ATP1A3: variants seen among roughly 807,000 people sequenced by gnomAD.
ATP1A3 encodes the protein sodium/potassium-transporting ATPase subunit alpha-3.
A neutral mutation model predicts 108.8 loss-of-function variants in ATP1A3; 12 were observed. The ratio of observed to expected loss-of-function variants is 0.11; its 90% CI spans 0.07 to 0.18. ATP1A3 has a LOEUF of 0.18. Ranked by LOEUF, ATP1A3 falls within the 10% of genes least tolerant of loss-of-function variation. The pLI, the probability that ATP1A3 is intolerant of heterozygous loss-of-function variation, is 1.00. For synonymous variants in ATP1A3, 539 were observed against 564.5 expected (o/e 0.95, Z 0.64); for missense variants, 498 against 1,387.7 (o/e 0.36, Z 10.19).
rs142966717 is a variant in ATP1A3 at position 41,969,054 on chromosome 19, G to A, written c.2689-139C>T. 1.2e-4 allele frequency: 150 copies of A among 1,303,756 alleles called. No homozygotes were observed. In the East Asian group the frequency reaches 2.9e-3, roughly 25 times the overall value. The allele number at this position is 1,303,756 out of a possible 1,614,324, so 80.8% of individuals were successfully genotyped here. A position where few individuals can be genotyped will look rare whatever the true frequency, so the allele number is the denominator to read the frequency against. On this transcript the variant is annotated intron_variant, in intron 19 of 22. Transcript: ENST00000648268. ...GGCCTCAGGTGTGTCTTCCTTCTGC[G>A]GGCTCATAGTCCCGAGGGAGGAGTC...
chr19:41,984,108 T>A (rs2145976269), intron 8 of ATP1A3: 1 of 152,242 alleles, frequency 6.6e-6, no homozygotes, highest in South Asian at 2.1e-4. Flanking sequence ...GTTCTTACTA[T>A]GTTGTCCAGG....
At chr19:41,986,052 C>T in intron 5 of ATP1A3, 54 bp from the exon 6 acceptor site, 2 of 1,614,146 alleles carry the variant, frequency 1.2e-6, no homozygotes, top group Non-Finnish European at 1.7e-6. Context: ...CTGGGGGTCA[C>T]TGGGCCCGGC....
rs782713179 is a variant in ATP1A3, at chr19:41,985,381, G to A, written c.649C>T (p.Arg217Cys). The change falls in exon 7 of 23, where the codon CGC becomes TGC. Residue 217 changes from arginine (R) to cysteine (C), a missense_variant. This residue lies in a region of ATP1A3 where 127 missense variants were observed against 464.0 expected (regional missense o/e 0.27). Coordinates refer to ENST00000648268, the MANE Select transcript of ATP1A3 (RefSeq NM_152296.5). This position sits in a 1 kb window ranked among gnomAD's most constrained non-coding sequence, Gnocchi z 8.2. ...SLTGESEPQTRSPDCTHDNPL... is the reference protein window; with the variant it reads ...SLTGESEPQTCSPDCTHDNPL... ...TTGTCGTGAGTGCAGTCGGGAGAGC[G>A]AGTCTGGGGCTCGGATTCGCCAGTC... is the stretch of plus-strand genomic sequence containing the variant. 2 of 1,614,104 alleles carry A rather than the reference G, an allele frequency of 1.2e-6. No individual in the cohort carries two copies. Among genetic ancestry groups the A allele is most frequent in the Non-Finnish European group, 1.7e-6 (2 of 1,179,954 alleles).
At chr19:41,969,672 A>G (rs2075081287) in intron 18 of ATP1A3, 92 bp from the exon 19 acceptor site, 2 of 1,524,890 alleles carry the variant, frequency 1.3e-6, no homozygotes, top group Admixed American at 1.7e-5. Context: ...GCCTCCTTGG[A>G]GAGGGGAGTA....
rs548757486 is a variant in ATP1A3 at position 41,993,664 on chromosome 19, C to A, written c.6+407G>T. ...GGAAGCAGGGGGGCCTCAATAACCCCAGACGCACTAACACGAGCTCTCACA... is the reference window on the plus strand; with the variant it reads ...GGAAGCAGGGGGGCCTCAATAACCCAAGACGCACTAACACGAGCTCTCACA... On this transcript the variant is annotated intron_variant, in intron 1 of 22. Coordinates refer to ENST00000648268, the MANE Select transcript of ATP1A3 (RefSeq NM_152296.5). 21 of 628,250 alleles carry A rather than the reference C, an allele frequency of 3.3e-5. No individual in the cohort carries two copies. The Admixed American group carries it at 3.8e-4, about 11-fold the overall frequency. The allele number at this position is 628,250 out of a possible 1,614,324, so 38.9% of individuals were successfully genotyped here. A position where few individuals can be genotyped will look rare whatever the true frequency, so the allele number is the denominator to read the frequency against.
At chr19:41,993,470 T>C in intron 1 of ATP1A3, 1 of 1,520,110 alleles carries the variant, frequency 6.6e-7, no homozygotes, top group Non-Finnish European at 8.8e-7. Flanking sequence ...ACACACACAC[T>C]GCAGCCCCAG....
chr19:41,980,365 G>A lies in ATP1A3; in HGVS notation c.1437+1137C>T, dbSNP rs1398479822. 4.6e-5 allele frequency among the ~76,000 whole-genome samples: 7 copies of A among 152,344 alleles called. No individual in the cohort carries two copies. The East Asian group carries it at 5.8e-4, about 13-fold the overall frequency. On this transcript the variant is annotated intron_variant, in intron 11 of 22. Transcript: ENST00000648268. ...ATGATGGCTTATGCCTGTAATCCCA[G>A]CACTTTGGGAGGCCGAGGTGGGTGG...
intron 4 of ATP1A3, among the ~76,000 whole-genome samples, chr19:41,987,659 G>A (rs574177884): frequency 6.6e-6 from 1 of 152,294 alleles, no homozygotes; most frequent in Admixed American, 6.5e-5. Context: ...ATGACCACCT[G>A]CTGGTGTCTG....
At chr19:41,973,340 C>T (rs1286826946) in intron 16 of ATP1A3, among the ~76,000 whole-genome samples, 1 of 152,190 alleles carries the variant, frequency 6.6e-6, no homozygotes, top group African/African-American at 2.4e-5. Context: ...ATGGCAGCCT[C>T]GACCACCCAG....
At chr19:41,970,631 T>TG in intron 16 of ATP1A3, 89 bp from the exon 17 acceptor site, 7 of 1,248,700 alleles carry the variant, frequency 5.6e-6, no homozygotes, top group Non-Finnish European at 2.1e-6. Context: ...ACGTCCTTTT[T>TG]TTTTTTTTTT....
rs954317504 is a variant in ATP1A3, at chr19:41,978,929, A to C, written c.1438-131T>G. 4 of 749,910 alleles carry C rather than the reference A, an allele frequency of 5.3e-6. No homozygotes were observed. The highest frequency in any genetic ancestry group is 8.9e-6 in the Non-Finnish European group (4 of 449,692). 46.5% of individuals were successfully genotyped at this position (749,910 alleles called of 1,614,324 possible). A position where few individuals can be genotyped will look rare whatever the true frequency, so the allele number is the denominator to read the frequency against. The stretch of plus-strand genomic sequence containing the variant: ...CACCAGGGCTCCCCCACACTCTCTC[A>C]CAGAGACCTCTGCTCATTCCTGTCC... On this transcript the variant is annotated intron_variant, in intron 11 of 22. Coordinates refer to ENST00000648268, the MANE Select transcript of ATP1A3 (RefSeq NM_152296.5). This position sits in a 1 kb window ranked among gnomAD's most constrained non-coding sequence, Gnocchi z 8.3.
Position 41,976,551 on chromosome 19 carries a change from G to A in ATP1A3, c.1959C>T (p.Cys653=), listed in dbSNP as rs782105093. The A allele has an allele frequency of 1.5e-5, 25 of 1,613,948 alleles. No homozygotes were observed. The African/African-American group carries it at 1.9e-4, about 12-fold the overall frequency. Residue 653 remains cysteine (C), a synonymous_variant, in exon 15 of 23, where the codon TGC becomes TGT. Coordinates refer to ENST00000648268, the MANE Select transcript of ATP1A3 (RefSeq NM_152296.5). The part of the protein sequence containing the change: ...SQVNPRDAKA[C]VIHGTDLKDF... The stretch of plus-strand genomic sequence containing the variant: ...CCTTGAGGTCGGTGCCGTGGATCAC[G>A]CAGGCCTTGGCATCCCTGGGAAGAG...
Position 41,985,421 on chromosome 19 carries a change from C to T in ATP1A3, c.609G>A (p.Val203=). Residue 203 remains valine (V), a splice_region_variant and synonymous_variant, in exon 7 of 23, where the codon GTG becomes GTA. Coordinates refer to ENST00000648268, the MANE Select transcript of ATP1A3 (RefSeq NM_152296.5). The surrounding 1 kb of genome is among the most constrained non-coding windows in gnomAD (Gnocchi z 8.2). ...ATTCGCCAGTCAGGGAGGAGTTGTC[C>T]ACCTGGGGGTAGGTGCAGCAGAGAG... ...LRIISAHGCK[V]DNSSLTGESE... The T allele has an allele frequency of 6.2e-7, 1 of 1,613,878 alleles. No individual in the cohort carries two copies. Among genetic ancestry groups the T allele is most frequent in the Non-Finnish European group, 8.5e-7 (1 of 1,179,742 alleles).
rs781822752 is a variant in ATP1A3, at chr19:41,977,974, G to A, written c.1905C>T (p.Ala635=). ...SEGNETVEDI[A]ARLNIPVSQV... is the part of the protein sequence containing the mutation. ...GGCTGACGGGAATGTTGAGCCGGGCGGCGATGTCCTCCACAGTCTCGTTGC... is the reference window on the plus strand; with the variant it reads ...GGCTGACGGGAATGTTGAGCCGGGCAGCGATGTCCTCCACAGTCTCGTTGC... The change falls in exon 14 of 23, where the codon GCC becomes GCT. Residue 635 remains alanine (A), a synonymous_variant. Coordinates refer to ENST00000648268, the MANE Select transcript of ATP1A3 (RefSeq NM_152296.5). 67 of 1,614,146 alleles carry A rather than the reference G, an allele frequency of 4.2e-5. No homozygotes were observed. In the East Asian group the frequency reaches 7.8e-4, roughly 19 times the overall value.
In ATP1A3 at chr19:41,981,848, T is replaced by G; in HGVS notation, c.1193-17A>C. 1 of 1,614,058 alleles carries G rather than the reference T, an allele frequency of 6.2e-7. No individual in the cohort carries two copies. The highest frequency in any genetic ancestry group is 2.2e-5 in the East Asian group (1 of 44,888). ...ATGAGGTCCCTGGGGGAGGCATGTG[T>G]GAGGGCCAGGGACTCCTGGAGCCAG... On this transcript the variant is annotated splice_polypyrimidine_tract_variant and intron_variant, in intron 9 of 22. Coordinates refer to ENST00000648268, the MANE Select transcript of ATP1A3 (RefSeq NM_152296.5). The surrounding 1 kb of genome is among the most constrained non-coding windows in gnomAD (Gnocchi z 5.0).
rs1468026609 is a variant in ATP1A3, at chr19:41,988,628, G to A, written c.7-66C>T. 6.2e-7 allele frequency: 1 copy of A among 1,612,726 alleles called. No individual in the cohort carries two copies. The highest frequency in any genetic ancestry group is 1.7e-5 in the Admixed American group (1 of 60,006). On this transcript the variant is annotated intron_variant, in intron 1 of 22. Coordinates refer to ENST00000648268, the MANE Select transcript of ATP1A3 (RefSeq NM_152296.5). The surrounding 1 kb of genome is among the most constrained non-coding windows in gnomAD (Gnocchi z 5.3). ...TGCGGGCGAGAAGGGGTTCCAGGAG[G>A]ACACCGGCCCTCCATGCCCCAGCTA...
chr19:41,985,809 T>C lies in ATP1A3; in HGVS notation c.606+55A>G, dbSNP rs2075281474. On this transcript the variant is annotated intron_variant, in intron 6 of 22. Transcript: ENST00000648268. This position sits in a 1 kb window ranked among gnomAD's most constrained non-coding sequence, Gnocchi z 8.2. ...AGTGTGAGGGAGGAGGGGCTGGGCC[T>C]GAGCTCCTGGGCAGCCCGAGGGAGG... 1 of 1,606,368 alleles carries C rather than the reference T, an allele frequency of 6.2e-7. No homozygotes were observed. The highest frequency in any genetic ancestry group is 1.7e-5 in the Admixed American group (1 of 59,906).
chr19:41,987,926 A>G lies in ATP1A3; in HGVS notation c.357+10T>C. 2 of 1,613,148 alleles carry G rather than the reference A, an allele frequency of 1.2e-6. No individual in the cohort carries two copies. Among genetic ancestry groups the G allele is most frequent in the Non-Finnish European group, 1.7e-6 (2 of 1,179,982 alleles). On this transcript the variant is annotated intron_variant, in intron 4 of 22. Transcript: ENST00000648268. ...CAGAGCCTTGCACAGGGCAGGGTCC[A>G]GGCACTCACGTTGTCACCAGAGGGG...
intron 1 of ATP1A3, among the ~76,000 whole-genome samples, chr19:41,989,301 T>C (rs1487886390): frequency 6.6e-6 from 1 of 150,718 alleles, no homozygotes; most frequent in Admixed American, 6.6e-5. Context: ...CTGTCCAACC[T>C]TCCTACATAT....
Sources: gnomAD v4.1 joint callset for allele counts (sites outside exome capture counted in the v4.1 genomes callset) on GRCh38, gnomAD v4.1.1 for gene constraint, gnomAD v4.1.1 regional missense constraint, Gnocchi (gnomAD v3.1) non-coding constraint, MANE v1.5 for transcripts, NCBI Gene and HGNC (gene_info 2026-07-23, HGNC 2026-07-21) for gene names.